HRH1: variants seen among roughly 807,000 people sequenced by gnomAD.
HRH1 encodes histamine H1 receptor.
HRH1 carries 6 observed loss-of-function variants against 10.3 expected under a neutral mutation model. That is an observed-to-expected ratio of 0.58 (90% confidence interval 0.32 to 1.15). The LOEUF is 1.15. Among genes scored for constraint, HRH1 ranks in the 50% most tolerant of loss-of-function variants. HRH1 has a pLI of 0.05. For missense variants in HRH1, 514 were observed against 615.3 expected, an observed-to-expected ratio of 0.84 and a Z score of 1.74; for synonymous variants, 242 against 236.7, an observed-to-expected ratio of 1.02 and a Z score of -0.21.
intron 1 of HRH1, among the ~76,000 whole-genome samples, chr3:11,253,575 A>G (rs1321373232): frequency 6.6e-6 from 1 of 152,096 alleles, no homozygotes; most frequent in Non-Finnish European, 1.5e-5. Context: ...CCTGTTTTAT[A>G]TTAAAGGCCT....
At chr3:11,185,038 T>TA (rs11360745) in intron 1 of HRH1, among the ~76,000 whole-genome samples, 355 of 133,536 alleles carry the variant, frequency 2.7e-3, no homozygotes, top group East Asian at 8.2e-3. Flanking sequence ...AGTACTAATT[T>TA]AAAAAAAAAA....
At chr3:11,237,207 G>A (rs1328665402) in intron 1 of HRH1, among the ~76,000 whole-genome samples, 3 of 152,096 alleles carry the variant, frequency 2.0e-5, no homozygotes, top group South Asian at 2.1e-4. Flanking sequence ...TATTTAAAGC[G>A]TTTGTTTATT....
intron 1 of HRH1, among the ~76,000 whole-genome samples, chr3:11,200,587 T>C (rs1423988354): frequency 1.3e-5 from 2 of 152,196 alleles, no homozygotes; most frequent in Admixed American, 1.3e-4. Flanking sequence ...TCCTGCAGCT[T>C]GTGAGCTCTC....
intron 1 of HRH1, among the ~76,000 whole-genome samples, chr3:11,243,237 C>CTGTTG (rs1193265972): frequency 2.6e-5 from 4 of 152,130 alleles, no homozygotes; most frequent in Non-Finnish European, 5.9e-5. Flanking sequence ...TTTCAGGGCT[C>CTGTTG]ATCCAGTAAA....
chr3:11,192,594 G>A (rs1210692246), intron 1 of HRH1, among the ~76,000 whole-genome samples: 1 of 152,104 alleles, frequency 6.6e-6, no homozygotes, highest in Admixed American at 6.6e-5. Context: ...ACTTGTTTTT[G>A]TTTGTTTGTT....
At chr3:11,242,082 C>T (rs1024551005) in intron 1 of HRH1, among the ~76,000 whole-genome samples, 19 of 152,180 alleles carry the variant, frequency 1.2e-4, no homozygotes, top group African/African-American at 4.6e-4. Context: ...CCCCAGCCAG[C>T]AGAGGCAATC....
At chr3:11,198,630 G>T (rs1289646716) in intron 1 of HRH1, among the ~76,000 whole-genome samples, 1 of 151,794 alleles carries the variant, frequency 6.6e-6, no homozygotes, top group Non-Finnish European at 1.5e-5. Flanking sequence ...CCAGTGCTTT[G>T]GGAGACCAAG....
At chr3:11,179,488 C>T (rs867289135) in intron 1 of HRH1, among the ~76,000 whole-genome samples, 4 of 151,190 alleles carry the variant, frequency 2.6e-5, no homozygotes, top group Non-Finnish European at 4.4e-5. Context: ...GGCGTGGTGG[C>T]GGGCGCCTGT....
intron 1 of HRH1, among the ~76,000 whole-genome samples, chr3:11,229,299 C>A (rs1439613767): frequency 6.6e-6 from 1 of 151,834 alleles, no homozygotes; most frequent in African/African-American, 2.4e-5. Flanking sequence ...GTAGAGCCCC[C>A]AAAAACTGAA....
At chr3:11,252,189 A>G (rs550132128) in intron 1 of HRH1, among the ~76,000 whole-genome samples, 2 of 152,370 alleles carry the variant, frequency 1.3e-5, no homozygotes, top group African/African-American at 2.4e-5. Flanking sequence ...GAGTCTATCC[A>G]TAGACGGCAG....
In HRH1 at chr3:11,168,220, G is replaced by A. The variant is rs1181727657; in HGVS notation, c.-36+13666G>A. 2.0e-5 allele frequency among the ~76,000 whole-genome samples: 3 copies of A among 152,152 alleles called. No individual in the cohort carries two copies. The East Asian group carries it at 5.8e-4, about 29-fold the overall frequency. ...CCAGAAAGAGTGAGGAGGCTAGAGT[G>A]GCAGGGCACAGTGAGTGAGGGTGAG... On this transcript the variant is annotated intron_variant, in intron 1 of 1. Coordinates refer to ENST00000431010, the MANE Select transcript of HRH1 (RefSeq NM_001098212.2).
chr3:11,158,407 A>T (rs1390511646), intron 1 of HRH1, among the ~76,000 whole-genome samples: 1 of 152,242 alleles, frequency 6.6e-6, no homozygotes, highest in African/African-American at 2.4e-5. Context: ...AAACAGGTTC[A>T]GAGGGGTTGG....
intron 1 of HRH1, among the ~76,000 whole-genome samples, chr3:11,256,233 C>T (rs1480010612): frequency 6.6e-6 from 1 of 152,046 alleles, no homozygotes; most frequent in Non-Finnish European, 1.5e-5. Flanking sequence ...CAGAGGATTG[C>T]TCTGATTGGC....
chr3:11,259,694 A>G lies in HRH1; in HGVS notation c.657A>G (p.Gln219=). The part of the protein sequence containing the change: ...FYAKIYKAVR[Q]HCQHRELINR... ...CCAAGATCTACAAGGCCGTACGACA[A>G]CACTGCCAGCACCGGGAGCTCATCA... The change falls in exon 2 of 2, where the codon CAA becomes CAG. Residue 219 remains glutamine, a synonymous_variant. Transcript: ENST00000431010. This position sits in a 1 kb window ranked among gnomAD's most constrained non-coding sequence, Gnocchi z 4.6. 13 of 1,614,058 alleles carry G rather than the reference A, an allele frequency of 8.1e-6. No individual in the cohort carries two copies. Among genetic ancestry groups the G allele is most frequent in the Non-Finnish European group, 1.1e-5 (13 of 1,179,994 alleles).
At chr3:11,206,798 G>T (rs1241884904) in intron 1 of HRH1, among the ~76,000 whole-genome samples, 2 of 152,212 alleles carry the variant, frequency 1.3e-5, no homozygotes, top group African/African-American at 4.8e-5. Context: ...TGCCTGGCAC[G>T]TGGAGCAAAG....
chr3:11,138,836 G>A (rs1270840765), intron 1 of HRH1, among the ~76,000 whole-genome samples: 2 of 150,664 alleles, frequency 1.3e-5, no homozygotes, highest in Admixed American at 6.6e-5. Context: ...CACCATGTCC[G>A]CCCAAATTTT....
intron 1 of HRH1, among the ~76,000 whole-genome samples, chr3:11,197,750 C>A (rs1181354687): frequency 6.6e-6 from 1 of 152,090 alleles, no homozygotes; most frequent in African/African-American, 2.4e-5. Flanking sequence ...GGGGTCAGGA[C>A]ATACATCCAT....
intron 1 of HRH1, among the ~76,000 whole-genome samples, chr3:11,216,063 C>T (rs1938481774): frequency 1.3e-5 from 2 of 152,102 alleles, no homozygotes; most frequent in African/African-American, 4.8e-5. Flanking sequence ...CAGTTTGGGA[C>T]TATTAGAGGG....
chr3:11,215,652 A>G (rs953709229), intron 1 of HRH1, among the ~76,000 whole-genome samples: 3 of 152,202 alleles, frequency 2.0e-5, no homozygotes, highest in Admixed American at 6.5e-5. Flanking sequence ...TGTGTTAGCC[A>G]GGATGGTCTT....
Sources: allele counts gnomAD v4.1 joint callset (sites outside exome capture counted in the v4.1 genomes callset), GRCh38; gene constraint gnomAD v4.1.1; non-coding constraint Gnocchi (gnomAD v3.1); transcripts MANE v1.5; gene names NCBI Gene and HGNC (gene_info 2026-07-23, HGNC 2026-07-21).